PTGER3: variants seen among roughly 807,000 people sequenced by gnomAD.
The protein encoded by PTGER3 is prostaglandin E2 receptor EP3 subtype.
PTGER3 carries 22 observed loss-of-function variants against 34.7 expected under a neutral mutation model. The ratio of observed to expected loss-of-function variants is 0.63; its 90% CI spans 0.45 to 0.91. The LOEUF is 0.91. Among genes scored for constraint, PTGER3 ranks in the 40% least tolerant of loss-of-function variants. The pLI, the probability that PTGER3 is intolerant of heterozygous loss-of-function variation, is 0.00. For synonymous variants in PTGER3, 241 were observed against 230.1 expected, an observed-to-expected ratio of 1.05 and a Z score of -0.43; for missense variants, 468 against 519.4, an observed-to-expected ratio of 0.90 and a Z score of 0.96.
chr1:70,943,907 C>T lies in PTGER3; in HGVS notation c.*23+9856G>A, dbSNP rs536694010. ...TAATACCAGTTAATTTTCATTTTCT[C>T]ATTTCGGTTCCTTATGAGGCCTATG... On this transcript the variant is annotated intron_variant, in intron 4 of 4. Transcript: ENST00000370931. 1.3e-3 allele frequency among the ~76,000 whole-genome samples: 196 copies of T among 151,536 alleles called. 1 individual carries two copies. Among genetic ancestry groups the T allele is most frequent in the Non-Finnish European group, 2.3e-3 (158 of 67,856 alleles).
intron 4 of PTGER3, among the ~76,000 whole-genome samples, chr1:70,855,849 T>A (rs1401906249): frequency 2.0e-5 from 3 of 152,200 alleles, no homozygotes; most frequent in African/African-American, 7.2e-5. Context: ...TCATATTAAC[T>A]AGTCCAGTGA....
At chr1:70,977,606 AGAG>A (rs1049560189) in intron 2 of PTGER3, among the ~76,000 whole-genome samples, 5 of 152,174 alleles carry the variant, frequency 3.3e-5, no homozygotes, top group African/African-American at 1.2e-4. Flanking sequence ...TGAAGGAAAA[AGAG>A]AAAACCATCC....
At chr1:71,000,999 T>C (rs1656430712) in intron 2 of PTGER3, among the ~76,000 whole-genome samples, 1 of 152,080 alleles carries the variant, frequency 6.6e-6, no homozygotes, top group Admixed American at 6.6e-5. Flanking sequence ...GAGATAACAA[T>C]ATATTATTTA....
intron 2 of PTGER3, among the ~76,000 whole-genome samples, chr1:70,991,337 G>A (rs565368528): frequency 2.0e-5 from 3 of 152,286 alleles, no homozygotes; most frequent in Non-Finnish European, 2.9e-5. Context: ...AGGCTGACTG[G>A]TGAGACATTT....
chr1:70,865,072 T>A (rs1172345936), intron 4 of PTGER3, among the ~76,000 whole-genome samples: 1 of 151,192 alleles, frequency 6.6e-6, no homozygotes, highest in Non-Finnish European at 1.5e-5. Context: ...GGTGATAGCA[T>A]TTCAAGGCAA....
At chr1:71,009,296 G>A in intron 2 of PTGER3, 1 of 983,630 alleles carries the variant, frequency 1.0e-6, no homozygotes, top group African/African-American at 1.7e-5. Context: ...TCTGCAACAT[G>A]GTCGGATATT....
intron 2 of PTGER3, among the ~76,000 whole-genome samples, chr1:70,956,594 G>A (rs1651359399): frequency 6.6e-6 from 1 of 152,166 alleles, no homozygotes; most frequent in Non-Finnish European, 1.5e-5. Flanking sequence ...TGTTCTGAAT[G>A]ATCATGAACT....
chr1:70,940,250 C>A (rs150533860), intron 4 of PTGER3, among the ~76,000 whole-genome samples: 1 of 152,190 alleles, frequency 6.6e-6, no homozygotes, highest in African/African-American at 2.4e-5. Context: ...ACCTCAGCCT[C>A]GACCTTATTT....
intron 4 of PTGER3, among the ~76,000 whole-genome samples, chr1:70,858,168 A>ACTGAGCT (rs979323329): frequency 7.3e-5 from 11 of 150,416 alleles, no homozygotes; most frequent in Non-Finnish European, 1.6e-4. Context: ...GCAATGATCT[A>ACTGAGCT]CTGAGCTCAG....
chr1:70,948,435 C>A (rs191600496), downstream of PTGER3, among the ~76,000 whole-genome samples: 301 of 152,228 alleles, frequency 2.0e-3, 1 homozygote, highest in Middle Eastern at 6.8e-3. Flanking sequence ...GAGGTTTCCC[C>A]AGCTCTGTGG....
chr1:70,952,616 C>T, exon 4 of PTGER3: 2 of 1,042,806 alleles, frequency 1.9e-6, no homozygotes, highest in Non-Finnish European at 2.3e-6. Flanking sequence ...TACCAGCATG[C>T]ATATGAAAAA....
At chr1:70,994,840 T>A (rs1460915989) in intron 2 of PTGER3, among the ~76,000 whole-genome samples, 1 of 152,204 alleles carries the variant, frequency 6.6e-6, no homozygotes, top group Non-Finnish European at 1.5e-5. Context: ...GTCATTTAAA[T>A]CAATTTAATA....
chr1:70,986,736 A>G (rs1654952773), intron 2 of PTGER3, among the ~76,000 whole-genome samples: 1 of 152,180 alleles, frequency 6.6e-6, no homozygotes, highest in Non-Finnish European at 1.5e-5. Flanking sequence ...AGGGTATGTG[A>G]GCTTTCTCCT....
At chr1:71,012,156 G>A in intron 2 of PTGER3, 149 bp downstream of exon 2, 1 of 1,546,420 alleles carries the variant, frequency 6.5e-7, no homozygotes, top group Non-Finnish European at 8.7e-7. Flanking sequence ...TAAATTCACA[G>A]TAAGGTTTAG....
chr1:70,881,928 C>A (rs1030554062), intron 4 of PTGER3, among the ~76,000 whole-genome samples: 2 of 152,142 alleles, frequency 1.3e-5, no homozygotes, highest in African/African-American at 4.8e-5. Context: ...GCCCATCTTG[C>A]TATGAGAGGC....
intron 4 of PTGER3, among the ~76,000 whole-genome samples, chr1:70,888,990 G>A (rs919188835): frequency 1.3e-5 from 2 of 152,106 alleles, no homozygotes; most frequent in East Asian, 1.9e-4. Context: ...AAGAAAGCAC[G>A]TAAGAACAGC....
intron 4 of PTGER3, among the ~76,000 whole-genome samples, chr1:70,912,373 G>A (rs1647079203): frequency 1.3e-5 from 2 of 152,060 alleles, no homozygotes; most frequent in South Asian, 4.1e-4. Context: ...ACTGGTTCAA[G>A]TGAAATTTCA....
At chr1:70,990,386 C>CACACACACAT (rs1206925417) in intron 2 of PTGER3, among the ~76,000 whole-genome samples, 3 of 131,402 alleles carry the variant, frequency 2.3e-5, no homozygotes, top group Non-Finnish European at 4.8e-5. Context: ...CACACACACA[C>CACACACACAT]ATATATATAT....
At chr1:70,944,816 A>T (rs1387683817) in intron 4 of PTGER3, among the ~76,000 whole-genome samples, 1 of 152,092 alleles carries the variant, frequency 6.6e-6, no homozygotes, top group Non-Finnish European at 1.5e-5. Context: ...TGTGCTCTAT[A>T]ATCAGTGGAT....
Sources: allele counts gnomAD v4.1 joint callset (sites outside exome capture counted in the v4.1 genomes callset), GRCh38; gene constraint gnomAD v4.1.1; transcripts MANE v1.5; gene names NCBI Gene and HGNC (gene_info 2026-07-23, HGNC 2026-07-21).